DLG2: variants seen among roughly 807,000 people sequenced by gnomAD.
DLG2 encodes the protein discs large MAGUK scaffold protein 2.
Under a neutral mutation model 132.5 loss-of-function variants are expected in DLG2, and 45 were observed. The observed-to-expected ratio is 0.34, with a 90% CI of 0.27 to 0.44. The LOEUF (loss-of-function observed/expected upper bound fraction) is 0.44. Ranked by LOEUF, DLG2 falls within the 20% of genes least tolerant of loss-of-function variation. The pLI, the probability that DLG2 is intolerant of heterozygous loss-of-function variation, is 1.00. For missense variants in DLG2, 1,045 were observed against 1,196.9 expected (o/e 0.87, Z 1.87); for synonymous variants, 424 against 419.6 (o/e 1.01, Z -0.13).
chr11:85,490,124 A>T (rs1236953095), intron 3 of DLG2, among the ~76,000 whole-genome samples: 1 of 151,998 alleles, frequency 6.6e-6, no homozygotes, highest in Non-Finnish European at 1.5e-5. Flanking sequence ...AGAATGTGAG[A>T]CTGCAGTAAG....
chr11:84,442,706 A>AAAAAG (rs138765903), intron 7 of DLG2, among the ~76,000 whole-genome samples: 104 of 148,980 alleles, frequency 7.0e-4, no homozygotes, highest in African/African-American at 2.3e-3. Context: ...TAATTAAAAA[A>AAAAAG]AAAGAAAGAA....
At chr11:84,090,213 A>C (rs1345221523) in intron 10 of DLG2, among the ~76,000 whole-genome samples, 1 of 152,084 alleles carries the variant, frequency 6.6e-6, no homozygotes, top group Admixed American at 6.6e-5. Flanking sequence ...CAGGAGTTCA[A>C]GACCAGCCTG....
intron 6 of DLG2, among the ~76,000 whole-genome samples, chr11:85,006,020 C>T (rs663755): frequency 0.71 from 107,486 of 152,016 alleles, 39,005 homozygotes; most frequent in East Asian, 0.92. Context: ...ATGTGATGGA[C>T]TACATTTATT....
At chr11:84,027,149 AC>A (rs1487669338) in intron 11 of DLG2, among the ~76,000 whole-genome samples, 7 of 151,962 alleles carry the variant, frequency 4.6e-5, no homozygotes, top group Non-Finnish European at 1.0e-4. Context: ...TTAACTATTG[AC>A]CCCAAGGGCA....
At chr11:84,939,314 C>A (rs964682860) in intron 6 of DLG2, among the ~76,000 whole-genome samples, 1 of 151,846 alleles carries the variant, frequency 6.6e-6, no homozygotes, top group Non-Finnish European at 1.5e-5. Context: ...ATATAAGATA[C>A]CTTATAGAGA....
At chr11:84,353,825 T>G (rs2098595975) in intron 7 of DLG2, among the ~76,000 whole-genome samples, 1 of 152,096 alleles carries the variant, frequency 6.6e-6, no homozygotes, top group Non-Finnish European at 1.5e-5. Context: ...TTCCCACAAC[T>G]TCATCATTTA....
intron 7 of DLG2, among the ~76,000 whole-genome samples, chr11:84,344,083 A>G (rs905691734): frequency 6.6e-5 from 10 of 152,210 alleles, no homozygotes; most frequent in Admixed American, 2.0e-4. Flanking sequence ...TCAAATATTT[A>G]TTTAAAGTCA....
At chr11:83,795,991 T>A (rs2042729113) in intron 17 of DLG2, among the ~76,000 whole-genome samples, 2 of 152,258 alleles carry the variant, frequency 1.3e-5, no homozygotes, top group South Asian at 4.1e-4. Context: ...CTGGAAAACT[T>A]CTTCTAGTTC....
intron 6 of DLG2, among the ~76,000 whole-genome samples, chr11:84,601,935 A>T (rs747398678): frequency 5.3e-5 from 8 of 152,022 alleles, no homozygotes; most frequent in Non-Finnish European, 1.2e-4. Flanking sequence ...CAAGCCAATT[A>T]TTTAACATTT....
At chr11:84,521,986 C>A (rs533507748) in intron 7 of DLG2, among the ~76,000 whole-genome samples, 1 of 151,898 alleles carries the variant, frequency 6.6e-6, no homozygotes, top group Non-Finnish European at 1.5e-5. Flanking sequence ...CATGATGAAA[C>A]CCCGTCTCTA....
At chr11:84,721,217 G>C (rs1009753522) in intron 6 of DLG2, among the ~76,000 whole-genome samples, 1 of 152,170 alleles carries the variant, frequency 6.6e-6, no homozygotes, top group Non-Finnish European at 1.5e-5. Flanking sequence ...CCTTGCCGGG[G>C]GCAGAGGGCC....
At chr11:83,462,447 T>G (rs2090208043) in intron 26 of DLG2, among the ~76,000 whole-genome samples, 2 of 152,226 alleles carry the variant, frequency 1.3e-5, no homozygotes, top group Non-Finnish European at 1.5e-5. Context: ...CTTCTACTTC[T>G]TCAGAATAAA....
At chr11:84,551,729 A>G (rs1445136617) in intron 6 of DLG2, among the ~76,000 whole-genome samples, 1 of 152,022 alleles carries the variant, frequency 6.6e-6, no homozygotes, top group Non-Finnish European at 1.5e-5. Flanking sequence ...TGCATTTCTT[A>G]CTCTCTGACT....
At chr11:85,575,874 G>A (rs918663854) in intron 3 of DLG2, among the ~76,000 whole-genome samples, 7 of 152,028 alleles carry the variant, frequency 4.6e-5, no homozygotes, top group Admixed American at 2.6e-4. Context: ...ATAAGAGCAG[G>A]AATATCTGTC....
At chr11:83,956,425 G>C (rs1313441480) in intron 14 of DLG2, among the ~76,000 whole-genome samples, 1 of 152,130 alleles carries the variant, frequency 6.6e-6, no homozygotes, top group Non-Finnish European at 1.5e-5. Context: ...TGGGATTATG[G>C]GCACCCTCAC....
At chr11:84,296,247 G>A (rs117050779) in intron 7 of DLG2, among the ~76,000 whole-genome samples, 22 of 150,362 alleles carry the variant, frequency 1.5e-4, no homozygotes, top group African/African-American at 4.9e-4. Context: ...AATCAATATC[G>A]ACTCTTGAAA....
At chr11:85,573,910 G>A (rs1400730882) in intron 3 of DLG2, among the ~76,000 whole-genome samples, 4 of 151,998 alleles carry the variant, frequency 2.6e-5, no homozygotes, top group Non-Finnish European at 4.4e-5. Context: ...ATTTGAAATT[G>A]AATCACATAT....
rs534939413 is a variant in DLG2 at position 84,620,439 on chromosome 11, A to G, written c.358-85708T>C. ...AAGAAAGAATAATTTTGATCATATT[A>G]AAATGAATAACTTAATCTACAAAGT... is the stretch of plus-strand genomic sequence containing the variant. On this transcript the variant is annotated intron_variant, in intron 6 of 27. Transcript: ENST00000376104. Among the ~76,000 whole-genome samples, 4 of 152,112 alleles carry G rather than the reference A, an allele frequency of 2.6e-5. No individual in the cohort carries two copies. The South Asian group carries it at 8.3e-4, about 32-fold the overall frequency.
chr11:84,884,588 C>T (rs1387662990), intron 6 of DLG2, among the ~76,000 whole-genome samples: 2 of 152,086 alleles, frequency 1.3e-5, no homozygotes, highest in African/African-American at 4.8e-5. Flanking sequence ...GACTATACAA[C>T]TAACTTCAGA....
Sources: allele counts gnomAD v4.1 joint callset (sites outside exome capture counted in the v4.1 genomes callset), GRCh38; gene constraint gnomAD v4.1.1; transcripts MANE v1.5; gene names NCBI Gene and HGNC (gene_info 2026-07-23, HGNC 2026-07-21).